The following GPR85 variants were observed in gnomAD, a reference collection of about 807,000 sequenced individuals.
GPR85 encodes the protein G protein-coupled receptor 85, also known as probable G protein-coupled receptor 85.
A neutral mutation model predicts 21.3 loss-of-function variants in GPR85; 7 were observed. The ratio of observed to expected loss-of-function variants is 0.33; its 90% confidence interval spans 0.19 to 0.62. GPR85 has a LOEUF of 0.62. GPR85 is among the 20% of genes least tolerant of loss of function. GPR85 has a pLI of 0.80. For missense variants in GPR85, 299 were observed against 443.8 expected (o/e 0.67, Z 2.93); for synonymous variants, 167 against 166.1 (o/e 1.01, Z -0.04).
At chr7:113,085,483 C>A (rs1356384852) in intron 2 of GPR85, among the ~76,000 whole-genome samples, 1 of 152,192 alleles carries the variant, frequency 6.6e-6, no homozygotes, top group Non-Finnish European at 1.5e-5. Context: ...CCACCCTACC[C>A]CCCATTTCTG....
chr7:113,084,092 G>A lies in GPR85; in HGVS notation c.630C>T (p.His210=), dbSNP rs28392728. 3.6e-3 allele frequency: 5,883 copies of A among 1,614,038 alleles called. 195 individuals carry two copies. In the African/African-American group the frequency reaches 0.071, roughly 19 times the overall value. ...GGACTGGCTTCATTTTTCTTCGATC[G>A]TGGACGAAAAATATCAGCTTGAGGT... ...LVYLKLIFFV[H]DRRKMKPVQF... is the part of the protein sequence containing the mutation. Residue 210 remains histidine (H), a synonymous_variant, in exon 3 of 3, where the codon CAC becomes CAT. Transcript: ENST00000424100.
Position 113,084,567 on chromosome 7 carries a change from T to C in GPR85, c.155A>G (p.His52Arg). ...SILLVKDKTL[H>R]RAPYYFLLDL... The stretch of plus-strand genomic sequence containing the variant: ...CAACAGGAAGTAGTAAGGTGCTCTA[T>C]GCAAGGTCTTATCTTTCACTAGCAA... The change falls in exon 3 of 3, where the codon CAT (histidine) becomes CGT (arginine). Residue 52 changes from histidine to arginine, a missense_variant. This residue lies in a region of GPR85 where 101 missense variants were observed against 108.4 expected (regional missense o/e 0.93). Transcript: ENST00000424100. 6.2e-7 allele frequency: 1 copy of C among 1,613,742 alleles called. No homozygotes were observed. Among genetic ancestry groups the C allele is most frequent in the South Asian group, 1.1e-5 (1 of 91,068 alleles).
Position 113,083,755 on chromosome 7 carries a change from C to A in GPR85, c.967G>T (p.Ala323Ser). The change falls in exon 3 of 3, where the codon GCT (alanine) becomes TCT (serine). Residue 323 changes from alanine to serine, a missense_variant. Ala to Ser is a moderately conservative substitution (Grantham distance 99). Around this residue, in one of 2 missense-constraint regions of GPR85, gnomAD observed 198 missense variants for 335.4 expected, o/e 0.59. Coordinates refer to ENST00000424100, the MANE Select transcript of GPR85 (RefSeq NM_001146267.2). This position sits in a 1 kb window ranked among gnomAD's most constrained non-coding sequence, Gnocchi z 4.4. ...TGGGCAAAACTCATCCAGACAGCAG[C>A]TGTTAGAAATCCCCCTGGTACTACA... ...GPVVPGGFLT[A>S]AVWMSFAQAG... The A allele has an allele frequency of 6.2e-7, 1 of 1,614,262 alleles. No homozygotes were observed. The highest frequency in any genetic ancestry group is 8.5e-7 in the Non-Finnish European group (1 of 1,180,046).
chr7:113,086,430 T>TTTTTTTTTTTTTG lies in GPR85; in HGVS notation c.-398_-397insCAAAAAAAAAAAA, dbSNP rs1794301176. On this transcript the variant is annotated 5_prime_UTR_variant, in exon 1 of 3. An upstream open reading frame in the 5' UTR loses its in-frame stop. Transcript: ENST00000424100. ...TTTTTTTTTTTTGTTTTTTGTTTTT[T>TTTTTTTTTTTTTG]TTTTTTTTTTTTTTGCCTTAGTGCC... is the stretch of plus-strand genomic sequence containing the variant. 9.4e-6 allele frequency: 1 copy of TTTTTTTTTTTTTG among 106,548 alleles called. No individual in the cohort carries two copies. Among genetic ancestry groups the TTTTTTTTTTTTTG allele is most frequent in the African/African-American group, 3.8e-5 (1 of 26,138 alleles). 6.6% of individuals were successfully genotyped at this position (106,548 alleles called of 1,614,324 possible). A position where few individuals can be genotyped will look rare whatever the true frequency, so the allele number is the denominator to read the frequency against.
chr7:113,083,766 C>T lies in GPR85; in HGVS notation c.956G>A (p.Gly319Glu). The stretch of plus-strand genomic sequence containing the variant: ...CATCCAGACAGCAGCTGTTAGAAAT[C>T]CCCCTGGTACTACAGGCCCTCTTGC... ...VFARGPVVPG[G>E]FLTAAVWMSF... Residue 319 changes from glycine to glutamate, a missense_variant, in exon 3 of 3, where the codon GGA becomes GAA. Gly to Glu is a moderately conservative substitution (Grantham distance 98). Coordinates refer to ENST00000424100, the MANE Select transcript of GPR85 (RefSeq NM_001146267.2). The surrounding 1 kb of genome is among the most constrained non-coding windows in gnomAD (Gnocchi z 4.4). 6.2e-7 allele frequency: 1 copy of T among 1,614,242 alleles called. No individual in the cohort carries two copies. Among genetic ancestry groups the T allele is most frequent in the Non-Finnish European group, 8.5e-7 (1 of 1,180,044 alleles).
chr7:113,086,426 T>TTG lies in GPR85; in HGVS notation c.-394_-393insCA, dbSNP rs1562996908. On this transcript the variant is annotated 5_prime_UTR_variant, in exon 1 of 3. It removes the in-frame stop codon of an upstream open reading frame in the 5' UTR. Transcript: ENST00000424100. ...TTTTTTTTTTTTTTTTGTTTTTTGT[T>TTG]TTTTTTTTTTTTTTTTTTGCCTTAG... The TTG allele has an allele frequency of 4.0e-5, 4 of 99,920 alleles. No homozygotes were observed. The highest frequency in any genetic ancestry group is 1.9e-4 in the Admixed American group (2 of 10,408). The allele number at this position is 99,920 out of a possible 1,614,324, so 6.2% of individuals were successfully genotyped here. A position where few individuals can be genotyped will look rare whatever the true frequency, so the allele number is the denominator to read the frequency against.
rs1456970926 is a variant in GPR85 at position 113,084,611 on chromosome 7, G to T, written c.111C>A (p.Gly37=). The change falls in exon 3 of 3, where the codon GGC becomes GGA. Residue 37 remains glycine, a synonymous_variant. Coordinates refer to ENST00000424100, the MANE Select transcript of GPR85 (RefSeq NM_001146267.2). ...CTAGCAAAATGGAGATCAGGAGGTTGCCCACCACGCTGACTCCTATTATGA... is the reference window on the plus strand; with the variant it reads ...CTAGCAAAATGGAGATCAGGAGGTTTCCCACCACGCTGACTCCTATTATGA... The part of the protein sequence containing the change: ...LGFIIGVSVV[G]NLLISILLVK... The T allele has an allele frequency of 1.9e-6, 3 of 1,613,588 alleles. No individual in the cohort carries two copies. In the Admixed American group the frequency reaches 5.0e-5, roughly 27 times the overall value.
Position 113,086,399 on chromosome 7 carries a change from T to TTTTG in GPR85, c.-367_-366insCAAA. 2.9e-5 allele frequency: 1 copy of TTTTG among 35,026 alleles called. No individual in the cohort carries two copies. Among genetic ancestry groups the TTTTG allele is most frequent in the Non-Finnish European group, 6.3e-5 (1 of 15,890 alleles). The allele number at this position is 35,026 out of a possible 1,614,324, so 2.2% of individuals were successfully genotyped here. A position where few individuals can be genotyped will look rare whatever the true frequency, so the allele number is the denominator to read the frequency against. Reference sequence around the variant, plus strand: ...ATTTTTTTCTTTTTTTCTTTTTCTTTTTTTTTTTTTTTTTTTTGTTTTTTG... The same window carrying TTTTG: ...ATTTTTTTCTTTTTTTCTTTTTCTTTTTTGTTTTTTTTTTTTTTTTTGTTTTTTG... On this transcript the variant is annotated 5_prime_UTR_variant, in exon 1 of 3. It introduces an in-frame stop codon into an upstream open reading frame of the 5' UTR. Coordinates refer to ENST00000424100, the MANE Select transcript of GPR85 (RefSeq NM_001146267.2).
rs780987052 is a variant in GPR85, at chr7:113,084,761, C to T, written c.-40G>A. ...TAAGGATACAGCCTCAGTCAAGTCT[C>T]ATGATCTAGATATAAGAACAAGGAA... On this transcript the variant is annotated 5_prime_UTR_variant, in exon 3 of 3. The change abolishes an upstream ATG in the 5' untranslated region. Coordinates refer to ENST00000424100, the MANE Select transcript of GPR85 (RefSeq NM_001146267.2). 51 of 1,466,888 alleles carry T rather than the reference C, an allele frequency of 3.5e-5. No individual in the cohort carries two copies. The Admixed American group carries it at 9.6e-4, about 28-fold the overall frequency. 90.9% of individuals were successfully genotyped at this position (1,466,888 alleles called of 1,614,324 possible). A position where few individuals can be genotyped will look rare whatever the true frequency, so the allele number is the denominator to read the frequency against.
In GPR85 at chr7:113,086,401, T is replaced by TTTTTTTTTTTTTG. The variant is rs1794288615; in HGVS notation, c.-369_-368insCAAAAAAAAAAAA. ...TTTTTTCTTTTTTTCTTTTTCTTTT[T>TTTTTTTTTTTTTG]TTTTTTTTTTTTTTTGTTTTTTGTT... On this transcript the variant is annotated 5_prime_UTR_variant, in exon 1 of 3. It removes the in-frame stop codon of an upstream open reading frame in the 5' UTR. Coordinates refer to ENST00000424100, the MANE Select transcript of GPR85 (RefSeq NM_001146267.2). 1 of 90,044 alleles carries TTTTTTTTTTTTTG rather than the reference T, an allele frequency of 1.1e-5. No homozygotes were observed. Among genetic ancestry groups the TTTTTTTTTTTTTG allele is most frequent in the African/African-American group, 4.9e-5 (1 of 20,556 alleles). 5.6% of individuals were successfully genotyped at this position (90,044 alleles called of 1,614,324 possible).
In GPR85 at chr7:113,084,481, C is replaced by T; in HGVS notation, c.241G>A (p.Val81Ile). 6.2e-7 allele frequency: 1 copy of T among 1,613,854 alleles called. No homozygotes were observed. The highest frequency in any genetic ancestry group is 1.1e-5 in the South Asian group (1 of 91,066). The change falls in exon 3 of 3, where the codon GTC becomes ATC. Residue 81 changes from valine to isoleucine, a missense_variant. Coordinates refer to ENST00000424100, the MANE Select transcript of GPR85 (RefSeq NM_001146267.2). ...AICFPFVFNS[V>I]KNGSTWTYGT... ...TAAGTCCAGGTAGAACCATTTTTGA[C>T]AGAGTTGAACACAAATGGGAAACAA...
chr7:113,083,912 C>G lies in GPR85; in HGVS notation c.810G>C (p.Arg270Ser), dbSNP rs563872299. Residue 270 changes from arginine (R) to serine (S), a missense_variant, in exon 3 of 3, where the codon AGG (arginine) becomes AGC (serine). By Grantham distance (110) the Arg-to-Ser change is moderately radical. Around this residue, in one of 2 missense-constraint regions of GPR85, gnomAD observed 198 missense variants for 335.4 expected, o/e 0.59. Transcript: ENST00000424100. The surrounding 1 kb of genome is among the most constrained non-coding windows in gnomAD (Gnocchi z 4.4). ...TTTTGAACTCGTCTAAGACCAATAG[C>G]CTTCTTCTGCCTGTGGTGTTTGCAT... ...RQNANTTGRR[R>S]LLVLDEFKME... The G allele has an allele frequency of 1.9e-5, 31 of 1,614,152 alleles. No individual in the cohort carries two copies. Among genetic ancestry groups the G allele is most frequent in the African/African-American group, 5.3e-5 (4 of 75,046 alleles).
chr7:113,086,937 T>A (rs1263423831), upstream of GPR85, among the ~76,000 whole-genome samples: 2 of 152,018 alleles, frequency 1.3e-5, no homozygotes, highest in Admixed American at 6.5e-5. Flanking sequence ...GAGGCTTCTT[T>A]TATATATTTA....
rs1335020529 is a variant in GPR85 at position 113,084,385 on chromosome 7, A to G, written c.337T>C (p.Phe113Leu). The change falls in exon 3 of 3, where the codon TTC becomes CTC. Residue 113 changes from phenylalanine to leucine, a missense_variant. This residue lies in a region of GPR85 where 198 missense variants were observed against 335.4 expected (regional missense o/e 0.59). Coordinates refer to ENST00000424100, the MANE Select transcript of GPR85 (RefSeq NM_001146267.2). ...LSCFHTAFMLFCISVTRYLAI... is the reference protein window; with the variant it reads ...LSCFHTAFMLLCISVTRYLAI... ...AAATATCTGGTGACACTGATGCAGA[A>G]GAGCATGAAAGCAGTGTGGAAACAG... The G allele has an allele frequency of 6.2e-7, 1 of 1,613,792 alleles. No homozygotes were observed. The highest frequency in any genetic ancestry group is 1.7e-5 in the Admixed American group (1 of 60,030).
Position 113,083,361 on chromosome 7 carries a change from A to G in GPR85, c.*248T>C, listed in dbSNP as rs1794186785. On this transcript the variant is annotated 3_prime_UTR_variant, in exon 3 of 3. Transcript: ENST00000424100. This position sits in a 1 kb window ranked among gnomAD's most constrained non-coding sequence, Gnocchi z 4.4. ...TACTTTCATTATCTAGTTTTTGACC[A>G]CATAAAGAAACTTAGGGCAGTGGTT... 6.8e-6 allele frequency: 3 copies of G among 443,244 alleles called. No individual in the cohort carries two copies. Among genetic ancestry groups the G allele is most frequent in the Non-Finnish European group, 1.2e-5 (3 of 250,816 alleles). 27.5% of individuals were successfully genotyped at this position (443,244 alleles called of 1,614,324 possible). A position where few individuals can be genotyped will look rare whatever the true frequency, so the allele number is the denominator to read the frequency against.
rs935281379 is a variant in GPR85, at chr7:113,083,511, T to A, written c.*98A>T. 1.2e-5 allele frequency: 13 copies of A among 1,106,666 alleles called. No individual in the cohort carries two copies. The highest frequency in any genetic ancestry group is 1.7e-5 in the Non-Finnish European group (13 of 760,614). 68.6% of individuals were successfully genotyped at this position (1,106,666 alleles called of 1,614,324 possible). Reference sequence around the variant, plus strand: ...TTGCCCAAATCCTTAAAACTGCTGATTCCATTCTTGAATTTCTTCTCAAAA... The same window carrying A: ...TTGCCCAAATCCTTAAAACTGCTGAATCCATTCTTGAATTTCTTCTCAAAA... On this transcript the variant is annotated 3_prime_UTR_variant, in exon 3 of 3. Transcript: ENST00000424100. This position sits in a 1 kb window ranked among gnomAD's most constrained non-coding sequence, Gnocchi z 4.4.
chr7:113,084,452 C>A lies in GPR85; in HGVS notation c.270G>T (p.Gly90=). ...AGGCAATCACTTTGCAAGTCAGAGTCCCATAAGTCCAGGTAGAACCATTTT... is the reference window on the plus strand; with the variant it reads ...AGGCAATCACTTTGCAAGTCAGAGTACCATAAGTCCAGGTAGAACCATTTT... ...SVKNGSTWTY[G]TLTCKVIAFL... is the part of the protein sequence containing the mutation. Residue 90 remains glycine, a synonymous_variant, in exon 3 of 3, where the codon GGG becomes GGT. Transcript: ENST00000424100. 6.2e-7 allele frequency: 1 copy of A among 1,614,034 alleles called. No homozygotes were observed. Among genetic ancestry groups the A allele is most frequent in the Non-Finnish European group, 8.5e-7 (1 of 1,179,942 alleles).
In GPR85 at chr7:113,083,552, C is replaced by T. The variant is rs1794191293; in HGVS notation, c.*57G>A. On this transcript the variant is annotated 3_prime_UTR_variant, in exon 3 of 3. Coordinates refer to ENST00000424100, the MANE Select transcript of GPR85 (RefSeq NM_001146267.2). This position sits in a 1 kb window ranked among gnomAD's most constrained non-coding sequence, Gnocchi z 4.4. ...CTTCTCAAAATATGGCTATGGGCCA[C>T]AATTGCTCAGCAGAGAAGGTTAGTT... The T allele has an allele frequency of 6.8e-7, 1 of 1,476,060 alleles. No homozygotes were observed. The highest frequency in any genetic ancestry group is 9.2e-7 in the Non-Finnish European group (1 of 1,087,098). The allele number at this position is 1,476,060 out of a possible 1,614,324, so 91.4% of individuals were successfully genotyped here.
chr7:113,085,871 A>C lies in GPR85; in HGVS notation c.-171+121T>G, dbSNP rs1245693180. ...ATGATTTTAATTTCCCCACCGGTAC[A>C]TCCTCGGGTAAATACCGATCGCATC... On this transcript the variant is annotated intron_variant, in intron 2 of 2. Coordinates refer to ENST00000424100, the MANE Select transcript of GPR85 (RefSeq NM_001146267.2). The C allele has an allele frequency of 2.0e-5, 3 of 152,556 alleles. No individual in the cohort carries two copies. In the East Asian group the frequency reaches 5.8e-4, roughly 29 times the overall value. 9.5% of individuals were successfully genotyped at this position (152,556 alleles called of 1,614,324 possible).
Sources: gnomAD v4.1 joint callset for allele counts (sites outside exome capture counted in the v4.1 genomes callset) on GRCh38, gnomAD v4.1.1 for gene constraint, gnomAD v4.1.1 regional missense constraint, Gnocchi (gnomAD v3.1) non-coding constraint, MANE v1.5 for transcripts, NCBI Gene and HGNC (gene_info 2026-07-23, HGNC 2026-07-21) for gene names.